ZNF827: variants seen among roughly 807,000 people sequenced by gnomAD.
ZNF827 encodes zinc finger protein 827.
A neutral mutation model predicts 102.4 loss-of-function variants in ZNF827; 13 were observed. That is an observed-to-expected ratio of 0.13 (90% CI 0.08 to 0.20). The LOEUF (loss-of-function observed/expected upper bound fraction) is 0.20, where lower values mean the gene tolerates loss of function less well. Among genes scored for constraint, ZNF827 ranks in the 10% least tolerant of loss-of-function variants. The probability of loss-of-function intolerance (pLI) is 1.00; values close to 1 mark genes in which losing one functional copy is unlikely to be tolerated. For synonymous variants in ZNF827, 523 were observed against 536.2 expected (o/e 0.98, Z 0.34); for missense variants, 1,103 against 1,344.4 (o/e 0.82, Z 2.81).
chr4:145,917,928 C>T (rs1428079157), intron 1 of ZNF827, among the ~76,000 whole-genome samples: 3 of 152,042 alleles, frequency 2.0e-5, no homozygotes, highest in African/African-American at 7.2e-5. Context: ...ATAAGAATTT[C>T]ATTAACCAGC....
chr4:145,825,550 G>A (rs1013570492), intron 7 of ZNF827, among the ~76,000 whole-genome samples: 18 of 152,306 alleles, frequency 1.2e-4, no homozygotes, highest in Middle Eastern at 3.4e-3. Context: ...CTTGCAGGTC[G>A]AAGAAGAGTT....
chr4:145,904,850 C>T (rs923386528), intron 1 of ZNF827, among the ~76,000 whole-genome samples: 1 of 152,142 alleles, frequency 6.6e-6, no homozygotes, highest in Non-Finnish European at 1.5e-5. Context: ...GGGTTTGTGG[C>T]AAGCGAGTGT....
At chr4:145,920,971 G>GA (rs1753022719) in intron 1 of ZNF827, among the ~76,000 whole-genome samples, 2 of 152,124 alleles carry the variant, frequency 1.3e-5, no homozygotes, top group Admixed American at 1.3e-4. Context: ...TAAGAACATC[G>GA]ACTAGTAAGG....
At chr4:145,806,670 T>G (rs1230669056) in intron 8 of ZNF827, among the ~76,000 whole-genome samples, 8 of 151,994 alleles carry the variant, frequency 5.3e-5, no homozygotes, top group Non-Finnish European at 4.4e-5. Flanking sequence ...ATATCCTTTT[T>G]CTAACTGAAC....
chr4:145,788,853 C>T (rs7688389), intron 8 of ZNF827, among the ~76,000 whole-genome samples: 31,867 of 152,142 alleles, frequency 0.21, 4,234 homozygotes, highest in East Asian at 0.68. Flanking sequence ...GCCTGAAAAT[C>T]ATGTCTTTTT....
At position 145,823,423 on chromosome 4, in the gene ZNF827, T is replaced by C. The variant is rs1191019587; in HGVS notation, c.2382A>G (p.Pro794=). The C allele has an allele frequency of 3.1e-6, 5 of 1,612,532 alleles. No homozygotes were observed. Among genetic ancestry groups the C allele is most frequent in the Admixed American group, 1.7e-5 (1 of 59,922 alleles). Residue 794 remains proline, a splice_region_variant and synonymous_variant, in exon 8 of 15, where the codon CCA becomes CCG. Coordinates refer to ENST00000508784, the MANE Select transcript of ZNF827 (RefSeq NM_001306215.2). The part of the protein sequence containing the change: ...DSVLHGRISA[P]ETEKIVLEAG... ...GCAAAGCCAACAATGTTTCCATACC[T>C]GGAGCTGATATTCTTCCGTGCAGCA...
intron 5 of ZNF827, among the ~76,000 whole-genome samples, chr4:145,858,290 T>C (rs897782303): frequency 1.3e-5 from 2 of 151,744 alleles, no homozygotes; most frequent in East Asian, 3.9e-4. Context: ...AATGAGACGG[T>C]ACATTAAAGT....
At chr4:145,936,217 G>C (rs757545265) in intron 1 of ZNF827, among the ~76,000 whole-genome samples, 3 of 150,892 alleles carry the variant, frequency 2.0e-5, no homozygotes, top group Admixed American at 1.3e-4. Context: ...GGGGCAGTCC[G>C]GCCATGTGCA....
At chr4:145,794,817 T>C (rs1219389747) in intron 8 of ZNF827, among the ~76,000 whole-genome samples, 1 of 152,188 alleles carries the variant, frequency 6.6e-6, no homozygotes, top group African/African-American at 2.4e-5. Flanking sequence ...ACCAGCAACA[T>C]CCACAGCAGA....
chr4:145,840,566 G>C (rs1745309315), intron 7 of ZNF827, among the ~76,000 whole-genome samples: 1 of 152,334 alleles, frequency 6.6e-6, no homozygotes, highest in African/African-American at 2.4e-5. Flanking sequence ...AGGGTAAAGA[G>C]AATATATGGA....
At chr4:145,874,244 T>A (rs1261209704) in intron 4 of ZNF827, among the ~76,000 whole-genome samples, 1 of 152,270 alleles carries the variant, frequency 6.6e-6, no homozygotes, top group African/African-American at 2.4e-5. Flanking sequence ...AAGCTGTATA[T>A]TGCTGGATTA....
At chr4:145,795,306 C>T (rs1221218461) in intron 8 of ZNF827, among the ~76,000 whole-genome samples, 1 of 152,188 alleles carries the variant, frequency 6.6e-6, no homozygotes, top group African/African-American at 2.4e-5. Context: ...CCACCACCCG[C>T]CTGGCTAATT....
chr4:145,899,693 T>C (rs1751262051), intron 2 of ZNF827, among the ~76,000 whole-genome samples: 1 of 152,198 alleles, frequency 6.6e-6, no homozygotes. Context: ...GCATGAGTTT[T>C]ACAAAATGAA....
intron 5 of ZNF827, among the ~76,000 whole-genome samples, chr4:145,864,513 G>T (rs1359936406): frequency 6.6e-6 from 1 of 151,388 alleles, no homozygotes; most frequent in African/African-American, 2.4e-5. Context: ...AGGATCGCTT[G>T]AGCCTAGGAG....
At chr4:145,830,436 C>T (rs1744097278) in intron 7 of ZNF827, 2 of 152,006 alleles carry the variant, frequency 1.3e-5, no homozygotes, top group South Asian at 2.1e-4. Context: ...GAATAGCTTA[C>T]ATGAAAATAA....
intron 7 of ZNF827, among the ~76,000 whole-genome samples, chr4:145,843,595 G>GTTGCATATACAACAAAAA (rs1189376466): frequency 1.3e-5 from 2 of 152,112 alleles, no homozygotes; most frequent in Non-Finnish European, 2.9e-5. Context: ...TGGTCTTGCA[G>GTTGCATATACAACAAAAA]CACATCTTTT....
Position 145,871,342 on chromosome 4 carries a change from A to G in ZNF827, c.1748-864T>C, listed in dbSNP as rs563601660. Among the ~76,000 whole-genome samples the G allele has an allele frequency of 3.3e-5, 5 of 152,230 alleles. No homozygotes were observed. In the South Asian group the frequency reaches 1.0e-3, roughly 32 times the overall value. On this transcript the variant is annotated intron_variant, in intron 4 of 14. Transcript: ENST00000508784. Reference sequence around the variant, plus strand: ...CTAATGTCCTTTTTCCATTTTTAGCATGGTTGGTTGCTGTGGAGTGTGTGG... The same window carrying G: ...CTAATGTCCTTTTTCCATTTTTAGCGTGGTTGGTTGCTGTGGAGTGTGTGG...
chr4:145,834,359 C>T (rs1560977012), intron 7 of ZNF827, among the ~76,000 whole-genome samples: 1 of 152,094 alleles, frequency 6.6e-6, no homozygotes, highest in Non-Finnish European at 1.5e-5. Context: ...CCAAGCGTCG[C>T]TGAGTCTTTC....
chr4:145,934,783 A>G (rs539330696), intron 1 of ZNF827, among the ~76,000 whole-genome samples: 27 of 152,348 alleles, frequency 1.8e-4, no homozygotes, highest in Admixed American at 1.4e-3. Flanking sequence ...GAAAGAGTCT[A>G]TAAGTAGCAA....
Sources: gnomAD v4.1 joint callset for allele counts (sites outside exome capture counted in the v4.1 genomes callset) on GRCh38, gnomAD v4.1.1 for gene constraint, MANE v1.5 for transcripts, NCBI Gene and HGNC (gene_info 2026-07-23, HGNC 2026-07-21) for gene names.